PTPRD: variants seen among roughly 807,000 people sequenced by gnomAD.
PTPRD encodes the protein receptor-type tyrosine-protein phosphatase delta.
PTPRD carries 34 observed loss-of-function variants against 214.5 expected under a neutral mutation model. The observed-to-expected ratio is 0.16, with a 90% confidence interval of 0.12 to 0.21. PTPRD has a LOEUF of 0.21. Among genes scored for constraint, PTPRD ranks in the 10% least tolerant of loss-of-function variants. The probability of loss-of-function intolerance (pLI) is 1.00; values close to 1 mark genes in which losing one functional copy is unlikely to be tolerated. For missense variants in PTPRD, 2,545 were observed against 2,398.7 expected, an observed-to-expected ratio of 1.06 and a Z score of -1.27; for synonymous variants, 1,128 against 845.7, an observed-to-expected ratio of 1.33 and a Z score of -5.79.
intron 7 of PTPRD, among the ~76,000 whole-genome samples, chr9:9,636,909 G>C (rs964934338): frequency 6.6e-6 from 1 of 152,152 alleles, no homozygotes; most frequent in Non-Finnish European, 1.5e-5. Flanking sequence ...AGGGGGGCGA[G>C]TCTCTGCTTC....
intron 9 of PTPRD, among the ~76,000 whole-genome samples, chr9:9,326,332 G>A (rs767630357): frequency 1.1e-4 from 17 of 152,102 alleles, no homozygotes; most frequent in Non-Finnish European, 1.9e-4. Flanking sequence ...ATTACCTATG[G>A]ATTGAGAGAA....
chr9:10,544,795 T>G (rs548325460), intron 2 of PTPRD, among the ~76,000 whole-genome samples: 2 of 152,196 alleles, frequency 1.3e-5, no homozygotes, highest in African/African-American at 4.8e-5. Flanking sequence ...ACTTTAATGC[T>G]TATCAGCAAA....
At chr9:8,991,631 A>G (rs2099367275) in intron 11 of PTPRD, among the ~76,000 whole-genome samples, 1 of 152,150 alleles carries the variant, frequency 6.6e-6, no homozygotes, top group Non-Finnish European at 1.5e-5. Context: ...GATCAGGAAA[A>G]CTATTTTCCT....
chr9:9,501,424 A>G (rs867428615), intron 8 of PTPRD, among the ~76,000 whole-genome samples: 2 of 151,968 alleles, frequency 1.3e-5, no homozygotes, highest in South Asian at 2.1e-4. Flanking sequence ...ATAAAGACAT[A>G]ACAATCATAT....
chr9:10,465,277 T>C (rs980734139), intron 2 of PTPRD, among the ~76,000 whole-genome samples: 5 of 152,192 alleles, frequency 3.3e-5, no homozygotes, highest in Non-Finnish European at 7.3e-5. Flanking sequence ...GTAAAACCTT[T>C]GCCACCTGCC....
intron 12 of PTPRD, among the ~76,000 whole-genome samples, chr9:8,726,543 C>A (rs1412945067): frequency 4.9e-5 from 6 of 122,808 alleles, no homozygotes; most frequent in African/African-American, 1.6e-4. Flanking sequence ...ACCAGCCTGG[C>A]CAACATGGAG....
intron 32 of PTPRD, among the ~76,000 whole-genome samples, chr9:8,465,150 G>C (rs2096520154): frequency 6.6e-6 from 1 of 151,936 alleles, no homozygotes; most frequent in Non-Finnish European, 1.5e-5. Flanking sequence ...GAAGGAGATT[G>C]TAAGCAATGA....
At chr9:8,483,348 T>C (rs895854691) in intron 30 of PTPRD, among the ~76,000 whole-genome samples, 9 of 152,156 alleles carry the variant, frequency 5.9e-5, no homozygotes, top group Non-Finnish European at 1.0e-4. Flanking sequence ...TTTCCCCCCC[T>C]TTTTTTCAAC....
At chr9:8,331,444 AAATC>A in intron 44 of PTPRD, 134 bp downstream of exon 44, 2 of 987,070 alleles carry the variant, frequency 2.0e-6, no homozygotes, top group Non-Finnish European at 2.9e-6. Flanking sequence ...AAAGAAAGAG[AAATC>A]AATCCTGCTT....
intron 7 of PTPRD, among the ~76,000 whole-genome samples, chr9:9,677,468 C>T (rs2096958471): frequency 6.6e-6 from 1 of 152,006 alleles, no homozygotes; most frequent in Non-Finnish European, 1.5e-5. Context: ...TGACAAAAGC[C>T]TTATGATTAT....
intron 11 of PTPRD, among the ~76,000 whole-genome samples, chr9:8,946,496 G>C (rs540852958): frequency 1.1e-4 from 17 of 152,248 alleles, no homozygotes; most frequent in African/African-American, 4.1e-4. Context: ...AGTGATATAT[G>C]AAAATCCCTT....
chr9:8,328,932 C>CT (rs150685429), intron 44 of PTPRD, among the ~76,000 whole-genome samples: 14,997 of 152,022 alleles, frequency 0.099, 854 homozygotes, highest in African/African-American at 0.14. Flanking sequence ...TTCCTCTAAC[C>CT]TTTTTTCCAG....
intron 3 of PTPRD, among the ~76,000 whole-genome samples, chr9:10,278,920 A>G (rs7025695): frequency 0.74 from 111,697 of 151,766 alleles, 42,428 homozygotes; most frequent in Non-Finnish European, 0.84. Context: ...GACTACAGGC[A>G]CACACCACCA....
intron 9 of PTPRD, among the ~76,000 whole-genome samples, chr9:9,370,423 G>C (rs967126223): frequency 7.3e-5 from 11 of 151,508 alleles, no homozygotes; most frequent in Admixed American, 6.6e-5. Flanking sequence ...GTCTGTTATT[G>C]GTGTATAAGA....
chr9:10,195,005 T>C lies in PTPRD; in HGVS notation c.-545+145958A>G, dbSNP rs59780158. 1.0e-2 allele frequency among the ~76,000 whole-genome samples: 1,501 copies of C among 150,652 alleles called. 19 individuals are homozygous for C. The highest frequency in any genetic ancestry group is 0.035 in the African/African-American group (1,420 of 40,982). On this transcript the variant is annotated intron_variant, in intron 3 of 45. Coordinates refer to ENST00000381196, the MANE Select transcript of PTPRD (RefSeq NM_002839.4). ...TGGAGTTCAGTGGTATGGTCCCGGC[T>C]CACTGTAACCTCTGCCTCCTGGGTT... is the stretch of plus-strand genomic sequence containing the variant.
chr9:8,971,586 C>T (rs1236786346), intron 11 of PTPRD, among the ~76,000 whole-genome samples: 1 of 151,608 alleles, frequency 6.6e-6, no homozygotes, highest in Non-Finnish European at 1.5e-5. Flanking sequence ...TGAACATGAT[C>T]TATAATTACA....
intron 9 of PTPRD, among the ~76,000 whole-genome samples, chr9:9,359,757 C>T (rs923642802): frequency 6.6e-6 from 1 of 151,158 alleles, no homozygotes; most frequent in Non-Finnish European, 1.5e-5. Context: ...TTATTGACAT[C>T]TGACTTCGTT....
chr9:8,352,582 C>T (rs142727249), intron 39 of PTPRD, among the ~76,000 whole-genome samples: 7 of 152,202 alleles, frequency 4.6e-5, no homozygotes, highest in Non-Finnish European at 8.8e-5. Context: ...ACATGGACTA[C>T]GTACAACGTG....
rs200406396 is a variant in PTPRD at position 8,340,517 on chromosome 9, T to C, written c.5127-48A>G. 4 of 1,484,042 alleles carry C rather than the reference T, an allele frequency of 2.7e-6. 1 individual carries two copies. The South Asian group carries it at 5.8e-5, about 21-fold the overall frequency. 91.9% of individuals were successfully genotyped at this position (1,484,042 alleles called of 1,614,324 possible). ...AATGTGTTAAAGTATTTAGAGAACA[T>C]GCAAAAGCTCACACTGGATACATAA... On this transcript the variant is annotated intron_variant, in intron 41 of 45. Coordinates refer to ENST00000381196, the MANE Select transcript of PTPRD (RefSeq NM_002839.4).
Sources: gnomAD v4.1 joint callset for allele counts (sites outside exome capture counted in the v4.1 genomes callset) on GRCh38, gnomAD v4.1.1 for gene constraint, MANE v1.5 for transcripts, NCBI Gene and HGNC (gene_info 2026-07-23, HGNC 2026-07-21) for gene names.